The following CBL variants were observed in gnomAD, a reference collection of about 807,000 sequenced individuals.
CBL encodes the protein Cbl proto-oncogene.
In CBL, 45 loss-of-function variants were observed where a neutral mutation model predicts 96.9. That is an observed-to-expected ratio of 0.46 (90% CI 0.37 to 0.60). The LOEUF is 0.60. Ranked by LOEUF, CBL falls within the 20% of genes least tolerant of loss-of-function variation. The probability of loss-of-function intolerance (pLI) is 0.00; values close to 1 mark genes in which losing one functional copy is unlikely to be tolerated. For synonymous variants in CBL, 420 were observed against 426.8 expected (o/e 0.98, Z 0.20); for missense variants, 1,024 against 1,143.5 (o/e 0.90, Z 1.51).
chr11:119,299,464 T>G, intron 15 of CBL, 31 bp from the exon 16 acceptor site: 2 of 1,602,908 alleles, frequency 1.2e-6, no homozygotes, highest in Non-Finnish European at 1.7e-6. Flanking sequence ...TTCCCCAGAT[T>G]TGCAAATATT....
chr11:119,296,480 T>G (rs973869549), intron 12 of CBL, among the ~76,000 whole-genome samples: 14 of 152,196 alleles, frequency 9.2e-5, no homozygotes, highest in Admixed American at 6.5e-4. Context: ...AAATTTTTCT[T>G]ATATAAAACA....
chr11:119,283,907 G>A (rs927618477), intron 9 of CBL, among the ~76,000 whole-genome samples: 1 of 151,944 alleles, frequency 6.6e-6, no homozygotes, highest in East Asian at 1.9e-4. Context: ...AAAGTGCTGC[G>A]ATTACAGGCG....
At chr11:119,283,510 A>G (rs1163509458) in intron 9 of CBL, among the ~76,000 whole-genome samples, 2 of 152,000 alleles carry the variant, frequency 1.3e-5, no homozygotes, top group Non-Finnish European at 2.9e-5. Context: ...GCTATTCCTA[A>G]GCCTGCTATA....
In CBL at chr11:119,298,345, C is replaced by G; in HGVS notation, c.2252-13C>G. The G allele has an allele frequency of 1.9e-6, 3 of 1,612,766 alleles. No homozygotes were observed. The highest frequency in any genetic ancestry group is 2.5e-6 in the Non-Finnish European group (3 of 1,178,754). ...TGCGTCAGAAGAAGATAACATCACTCATTTTTCTCCAGGTGAAGGGAATTT... is the reference window on the plus strand; with the variant it reads ...TGCGTCAGAAGAAGATAACATCACTGATTTTTCTCCAGGTGAAGGGAATTT... On this transcript the variant is annotated splice_polypyrimidine_tract_variant and intron_variant, in intron 14 of 15. Coordinates refer to ENST00000264033, the MANE Select transcript of CBL (RefSeq NM_005188.4).
rs372452974 is a variant in CBL at position 119,274,889 on chromosome 11, A to G, written c.805A>G (p.Met269Val). Residue 269 changes from methionine to valine, a missense_variant, in exon 5 of 16, where the codon ATG becomes GTG. Coordinates refer to ENST00000264033, the MANE Select transcript of CBL (RefSeq NM_005188.4). ...NSLAVTHPGYMAFLTYDEVKA... is the reference protein window; with the variant it reads ...NSLAVTHPGYVAFLTYDEVKA... ...CCTTGCTGTAACTCATCCTGGCTAC[A>G]TGGCTTTTTTGACGTATGACGAAGT... The G allele has an allele frequency of 8.1e-6, 13 of 1,614,048 alleles. No individual in the cohort carries two copies. The highest frequency in any genetic ancestry group is 1.1e-5 in the South Asian group (1 of 91,078).
intron 1 of CBL, among the ~76,000 whole-genome samples, chr11:119,212,290 A>G (rs1176804844): frequency 6.6e-6 from 1 of 152,202 alleles, no homozygotes; most frequent in African/African-American, 2.4e-5. Flanking sequence ...TACATTTAAA[A>G]TCATGAGCTT....
At position 119,217,187 on chromosome 11, in the gene CBL, G is replaced by A. The variant is rs368976534; in HGVS notation, c.195+10575G>A. On this transcript the variant is annotated intron_variant, in intron 1 of 15. Coordinates refer to ENST00000264033, the MANE Select transcript of CBL (RefSeq NM_005188.4). ...GGCTGGAGTGCAGTGGTGCAGTATT[G>A]GCTCACTGCAGCCTCCACCTCCTAG... Among the ~76,000 whole-genome samples the A allele has an allele frequency of 7.7e-4, 117 of 152,138 alleles. No individual in the cohort carries two copies. In the Middle Eastern group the frequency reaches 0.01, roughly 13 times the overall value.
intron 12 of CBL, among the ~76,000 whole-genome samples, chr11:119,291,818 G>T (rs1204410485): frequency 6.6e-6 from 1 of 152,084 alleles, no homozygotes; most frequent in Non-Finnish European, 1.5e-5. Context: ...ATCTTCCTTT[G>T]TGGTTTTGTT....
chr11:119,208,494 A>G (rs1949291848), intron 1 of CBL, among the ~76,000 whole-genome samples: 1 of 151,878 alleles, frequency 6.6e-6, no homozygotes, highest in South Asian at 2.1e-4. Context: ...GGTTCAAGAC[A>G]TTCTCGTGCC....
intron 2 of CBL, among the ~76,000 whole-genome samples, chr11:119,251,476 T>C (rs974366899): frequency 2.6e-5 from 4 of 152,242 alleles, no homozygotes; most frequent in African/African-American, 9.6e-5. Flanking sequence ...TCATTTCATA[T>C]TACAGAAGTG....
In CBL at chr11:119,306,897, A is replaced by G. The variant is rs565297878; in HGVS notation, c.*7116A>G. 8 of 230,114 alleles carry G rather than the reference A, an allele frequency of 3.5e-5. No homozygotes were observed. In the East Asian group the frequency reaches 3.7e-4, roughly 11 times the overall value. The allele number at this position is 230,114 out of a possible 1,614,324, so 14.3% of individuals were successfully genotyped here. ...GGTGACTTGGGATTTTTAACCTTAT[A>G]TATCTTTTTCCTTTACTCAAAACAA... is the stretch of plus-strand genomic sequence containing the variant. On this transcript the variant is annotated 3_prime_UTR_variant, in exon 16 of 16. Transcript: ENST00000264033.
At chr11:119,292,666 C>T (rs538308474) in intron 12 of CBL, among the ~76,000 whole-genome samples, 47 of 152,084 alleles carry the variant, frequency 3.1e-4, no homozygotes, top group African/African-American at 2.7e-4. Flanking sequence ...GTGATCTGCC[C>T]GCCTTGGCCT....
intron 1 of CBL, among the ~76,000 whole-genome samples, chr11:119,213,292 C>T (rs140194461): frequency 1.1e-4 from 16 of 152,176 alleles, no homozygotes. Flanking sequence ...ACTACTACTT[C>T]ACTCCCTCCC....
chr11:119,294,443 TTGCCTTTTTAA>T (rs2135318053), intron 12 of CBL, among the ~76,000 whole-genome samples: 1 of 149,740 alleles, frequency 6.7e-6, no homozygotes, highest in African/African-American at 2.5e-5. Context: ...AAAAAAATTA[TTGCCTTTTTAA>T]TGGCCCTTTT....
chr11:119,225,489 C>G (rs1465566686), intron 1 of CBL, among the ~76,000 whole-genome samples: 1 of 152,100 alleles, frequency 6.6e-6, no homozygotes, highest in Non-Finnish European at 1.5e-5. Flanking sequence ...GCCTCAGCCT[C>G]CTAGGCTCAA....
chr11:119,264,151 C>T (rs149930420), intron 2 of CBL, among the ~76,000 whole-genome samples: 155 of 152,298 alleles, frequency 1.0e-3, no homozygotes, highest in African/African-American at 3.6e-3. Context: ...CTCTTGAGAA[C>T]GATAGGATCA....
At chr11:119,285,625 G>T in intron 11 of CBL, 59 bp downstream of exon 11, 1 of 1,574,208 alleles carries the variant, frequency 6.4e-7, no homozygotes, top group Non-Finnish European at 8.6e-7. Flanking sequence ...GCCAGGCACA[G>T]TGGCTCATGT....
At chr11:119,277,241 G>GCGCACACA (rs1035208999) in intron 6 of CBL, among the ~76,000 whole-genome samples, 3,522 of 146,470 alleles carry the variant, frequency 0.024, 184 homozygotes, top group African/African-American at 0.083. Context: ...AATCTGTCGC[G>GCGCACACA]CACACACACA....
intron 1 of CBL, among the ~76,000 whole-genome samples, chr11:119,209,524 C>G (rs1312113714): frequency 6.6e-6 from 1 of 151,822 alleles, no homozygotes; most frequent in African/African-American, 2.4e-5. Flanking sequence ...GAGACTGGGA[C>G]AGGAGAATCC....
Sources: allele counts gnomAD v4.1 joint callset (sites outside exome capture counted in the v4.1 genomes callset), GRCh38; gene constraint gnomAD v4.1.1; transcripts MANE v1.5; gene names NCBI Gene and HGNC (gene_info 2026-07-23, HGNC 2026-07-21).